RNF24: variants seen among roughly 807,000 people sequenced by gnomAD.
RNF24 encodes the protein ring finger protein 24.
RNF24 carries 14 observed loss-of-function variants against 20.0 expected under a neutral mutation model. The ratio of observed to expected loss-of-function variants is 0.70; its 90% CI spans 0.46 to 1.10. RNF24 has a LOEUF of 1.10. Among genes scored for constraint, RNF24 ranks in the 50% least tolerant of loss-of-function variants. The probability of loss-of-function intolerance (pLI) is 0.00; values close to 1 mark genes in which losing one functional copy is unlikely to be tolerated. For missense variants in RNF24, 124 were observed against 177.6 expected (o/e 0.70, Z 1.71); for synonymous variants, 45 against 61.1 (o/e 0.74, Z 1.23).
At position 3,930,213 on chromosome 20, in the gene RNF24, C is replaced by T. The variant is rs1017976945; in HGVS notation, c.*3850G>A. ...ACATGAATGGATTACCTATTCAAAA[C>T]ATTAAGAAAGAAATATTCAGCACTG... On this transcript the variant is annotated 3_prime_UTR_variant, in exon 6 of 6. Transcript: ENST00000358395. The T allele has an allele frequency of 1.3e-5, 2 of 152,172 alleles. No individual in the cohort carries two copies. The highest frequency in any genetic ancestry group is 2.4e-5 in the African/African-American group (1 of 41,444). 9.4% of individuals were successfully genotyped at this position (152,172 alleles called of 1,614,324 possible). A position where few individuals can be genotyped will look rare whatever the true frequency, so the allele number is the denominator to read the frequency against.
chr20:3,992,023 G>A (rs1290756742), intron 1 of RNF24, among the ~76,000 whole-genome samples: 1 of 152,062 alleles, frequency 6.6e-6, no homozygotes, highest in East Asian at 1.9e-4. Context: ...TGTACTCCTT[G>A]AGCGCAGAAT....
At chr20:3,948,367 T>C (rs1366093114) in intron 2 of RNF24, 88 bp from the exon 3 acceptor site, 4 of 833,742 alleles carry the variant, frequency 4.8e-6, no homozygotes, top group Non-Finnish European at 7.7e-6. Flanking sequence ...TTGGTATTAA[T>C]TTATAACATT....
chr20:3,950,883 G>A (rs1363214288), intron 2 of RNF24, among the ~76,000 whole-genome samples: 2 of 152,042 alleles, frequency 1.3e-5, no homozygotes, highest in Non-Finnish European at 2.9e-5. Context: ...TTTCTCTCAT[G>A]TCCTTTTCCT....
At chr20:4,007,227 G>A (rs1269925210) in intron 1 of RNF24, among the ~76,000 whole-genome samples, 1 of 152,116 alleles carries the variant, frequency 6.6e-6, no homozygotes, top group African/African-American at 2.4e-5. Flanking sequence ...ACCAAGACAA[G>A]TAATAAGAGA....
At chr20:3,979,540 T>C (rs1248466278) in intron 1 of RNF24, among the ~76,000 whole-genome samples, 1 of 151,996 alleles carries the variant, frequency 6.6e-6, no homozygotes, top group South Asian at 2.1e-4. Flanking sequence ...CCGGGTGTGG[T>C]GGTGGGTGCC....
intron 2 of RNF24, among the ~76,000 whole-genome samples, chr20:3,952,492 T>C (rs2091092232): frequency 6.6e-6 from 1 of 152,194 alleles, no homozygotes; most frequent in Non-Finnish European, 1.5e-5. Context: ...CACAATTATG[T>C]TGTCTGCATA....
intron 1 of RNF24, among the ~76,000 whole-genome samples, chr20:3,966,849 G>A (rs1008078593): frequency 1.3e-5 from 2 of 152,208 alleles, no homozygotes; most frequent in African/African-American, 2.4e-5. Context: ...TAGTAGCACT[G>A]TCATCAGAGG....
intron 4 of RNF24, among the ~76,000 whole-genome samples, chr20:3,937,863 T>G (rs1178071613): frequency 2.0e-5 from 3 of 152,228 alleles, no homozygotes; most frequent in African/African-American, 7.2e-5. Flanking sequence ...TATCTATTGA[T>G]GGCCACCTGG....
At chr20:4,006,620 A>T (rs7263032) in intron 1 of RNF24, among the ~76,000 whole-genome samples, 3,971 of 152,340 alleles carry the variant, frequency 0.026, 168 homozygotes, top group African/African-American at 0.09. Flanking sequence ...ATCCATAAAA[A>T]TTCAAATTAC....
intron 1 of RNF24, among the ~76,000 whole-genome samples, chr20:3,967,861 C>T (rs1003104365): frequency 3.3e-5 from 5 of 149,764 alleles, no homozygotes; most frequent in Non-Finnish European, 3.0e-5. Context: ...AGCGTGGTGA[C>T]GCATGCCTGT....
intron 1 of RNF24, among the ~76,000 whole-genome samples, chr20:3,999,441 C>G (rs1568664239): frequency 6.6e-6 from 1 of 152,100 alleles, no homozygotes. Flanking sequence ...TCATGAAACA[C>G]TAGTCAATTT....
At position 3,928,210 on chromosome 20, in the gene RNF24, C is replaced by T. The variant is rs2146917796; in HGVS notation, c.*5853G>A. ...AAAGACACACCCAGGGCCAGAGATT[C>T]TACAAATGCCAGAAGAGTGGATGTG... On this transcript the variant is annotated 3_prime_UTR_variant, in exon 6 of 6. Transcript: ENST00000358395. 6.6e-6 allele frequency: 1 copy of T among 152,298 alleles called. No homozygotes were observed. The highest frequency in any genetic ancestry group is 2.4e-5 in the African/African-American group (1 of 41,548). The allele number at this position is 152,298 out of a possible 1,614,324, so 9.4% of individuals were successfully genotyped here.
intron 1 of RNF24, among the ~76,000 whole-genome samples, chr20:3,986,549 G>C (rs1979925053): frequency 6.6e-6 from 1 of 152,160 alleles, no homozygotes; most frequent in African/African-American, 2.4e-5. Flanking sequence ...GAGCCACCAT[G>C]CCCAGCGCCT....
In RNF24 at chr20:3,930,037, C is replaced by T. The variant is rs2090799077; in HGVS notation, c.*4026G>A. 2 of 152,160 alleles carry T rather than the reference C, an allele frequency of 1.3e-5. No homozygotes were observed. Among genetic ancestry groups the T allele is most frequent in the African/African-American group, 2.4e-5 (1 of 41,434 alleles). 9.4% of individuals were successfully genotyped at this position (152,160 alleles called of 1,614,324 possible). On this transcript the variant is annotated 3_prime_UTR_variant, in exon 6 of 6. Transcript: ENST00000358395. ...TAGAAAAGGAGAAAAATTATATAGA[C>T]ACACATACACATGTGTGTACATGCA...
At chr20:3,969,882 T>C (rs1354924102) in intron 1 of RNF24, among the ~76,000 whole-genome samples, 2 of 151,686 alleles carry the variant, frequency 1.3e-5, no homozygotes, top group Non-Finnish European at 2.9e-5. Context: ...GCGATTGTCC[T>C]GCCTCAGCCT....
chr20:3,971,136 T>C (rs191760725), intron 1 of RNF24, among the ~76,000 whole-genome samples: 1 of 152,202 alleles, frequency 6.6e-6, no homozygotes, highest in Non-Finnish European at 1.5e-5. Context: ...TGAAAGCAAC[T>C]AAGGAGATAC....
At chr20:3,974,297 A>G (rs1321530552) in intron 1 of RNF24, 2 of 1,548,452 alleles carry the variant, frequency 1.3e-6, no homozygotes, top group Admixed American at 3.9e-5. Flanking sequence ...TGTACAGCTA[A>G]TATTATTCTT....
chr20:3,951,156 A>T (rs537315330), intron 2 of RNF24, among the ~76,000 whole-genome samples: 36 of 152,214 alleles, frequency 2.4e-4, no homozygotes, highest in African/African-American at 8.7e-4. Context: ...ATAGGATTTC[A>T]CCGTGTTAGC....
chr20:3,974,882 T>G (rs1035341391), intron 1 of RNF24, among the ~76,000 whole-genome samples: 147 of 152,138 alleles, frequency 9.7e-4, no homozygotes, highest in Non-Finnish European at 9.0e-4. Context: ...CCAGCAAATT[T>G]TTTTTTTGTA....
Sources: allele counts gnomAD v4.1 joint callset (sites outside exome capture counted in the v4.1 genomes callset), GRCh38; gene constraint gnomAD v4.1.1; transcripts MANE v1.5; gene names NCBI Gene and HGNC (gene_info 2026-07-23, HGNC 2026-07-21).